The following EPB41L4A variants were observed in gnomAD, a reference collection of about 807,000 sequenced individuals.
The protein encoded by EPB41L4A is band 4.1-like protein 4A.
EPB41L4A carries 100 observed loss-of-function variants against 108.6 expected under a neutral mutation model. The ratio of observed to expected loss-of-function variants is 0.92; its 90% CI spans 0.78 to 1.09. The LOEUF is 1.09. EPB41L4A is among the 50% of genes least tolerant of loss of function. The probability of loss-of-function intolerance (pLI) is 0.00; values close to 1 mark genes in which losing one functional copy is unlikely to be tolerated. For synonymous variants in EPB41L4A, 319 were observed against 289.0 expected (o/e 1.10, Z -1.05); for missense variants, 1,030 against 842.7 (o/e 1.22, Z -2.75).
At chr5:112,201,149 G>A (rs1017912162) in intron 15 of EPB41L4A, among the ~76,000 whole-genome samples, 3 of 152,188 alleles carry the variant, frequency 2.0e-5, no homozygotes, top group African/African-American at 7.2e-5. Context: ...AAGAAACAGA[G>A]AAGAATGTGC....
At chr5:112,245,037 A>T (rs1325356867) in intron 9 of EPB41L4A, among the ~76,000 whole-genome samples, 2 of 152,056 alleles carry the variant, frequency 1.3e-5, no homozygotes, top group Non-Finnish European at 2.9e-5. Flanking sequence ...CAACAGATTG[A>T]CAGGGTTGCC....
chr5:112,237,679 A>G (rs551235979), intron 11 of EPB41L4A, among the ~76,000 whole-genome samples: 47 of 152,210 alleles, frequency 3.1e-4, no homozygotes, highest in Admixed American at 9.8e-4. Flanking sequence ...AGAAAGGGGC[A>G]GGCATATTGT....
chr5:112,195,786 A>G, intron 15 of EPB41L4A, 78 bp from the exon 16 acceptor site: 3 of 1,217,992 alleles, frequency 2.5e-6, no homozygotes, highest in African/African-American at 1.5e-5. Flanking sequence ...AATGAGTTTC[A>G]CTTCAGTTAA....
chr5:112,397,175 G>A lies in EPB41L4A; in HGVS notation c.99+21766C>T, dbSNP rs948602583. On this transcript the variant is annotated intron_variant, in intron 1 of 22. Coordinates refer to ENST00000261486, the MANE Select transcript of EPB41L4A (RefSeq NM_022140.5). ...CATTGTTTAGCTCCCACTTATAAGT[G>A]AGAAAATGAAGTATTTGGTTTTCTG... Among the ~76,000 whole-genome samples, 9 of 152,234 alleles carry A rather than the reference G, an allele frequency of 5.9e-5. No individual in the cohort carries two copies. In the East Asian group the frequency reaches 9.7e-4, roughly 16 times the overall value.
intron 1 of EPB41L4A, among the ~76,000 whole-genome samples, chr5:112,361,430 C>T (rs1758753180): frequency 1.3e-5 from 2 of 151,782 alleles, no homozygotes; most frequent in African/African-American, 2.4e-5. Context: ...CCTTTGTTCA[C>T]ATGTTTATCT....
chr5:112,371,553 T>C (rs537025189), intron 1 of EPB41L4A, among the ~76,000 whole-genome samples: 1 of 152,164 alleles, frequency 6.6e-6, no homozygotes, highest in Non-Finnish European at 1.5e-5. Context: ...GACATCATTA[T>C]TGTAACTGCA....
rs1580658828 is a variant in EPB41L4A at position 112,310,154 on chromosome 5, T to C, written c.100-2664A>G. 2.6e-5 allele frequency among the ~76,000 whole-genome samples: 4 copies of C among 152,222 alleles called. No homozygotes were observed. In the East Asian group the frequency reaches 7.7e-4, roughly 29 times the overall value. Reference sequence around the variant, plus strand: ...TTAAACCACTGTGCTAGTGATAATTTGTTATGCAACAATAAAAAATAATAC... The same window carrying C: ...TTAAACCACTGTGCTAGTGATAATTCGTTATGCAACAATAAAAAATAATAC... On this transcript the variant is annotated intron_variant, in intron 1 of 22. Coordinates refer to ENST00000261486, the MANE Select transcript of EPB41L4A (RefSeq NM_022140.5).
At chr5:112,419,727 A>G (rs1275938081), upstream of EPB41L4A, 25 of 456,578 alleles carry the variant, frequency 5.5e-5, no homozygotes, top group Non-Finnish European at 1.1e-4. Context: ...GAGGAGCCGG[A>G]AGAGAGGCGG....
At chr5:112,209,265 C>T (rs986636918) in intron 13 of EPB41L4A, among the ~76,000 whole-genome samples, 8 of 152,148 alleles carry the variant, frequency 5.3e-5, no homozygotes, top group African/African-American at 1.9e-4. Context: ...AATGCTGTTC[C>T]GTGAACATAA....
chr5:112,268,237 G>C (rs1752004231), intron 4 of EPB41L4A, among the ~76,000 whole-genome samples: 1 of 152,150 alleles, frequency 6.6e-6, no homozygotes, highest in African/African-American at 2.4e-5. Flanking sequence ...CAAAAGTTAG[G>C]AGTGGTGGCG....
intron 1 of EPB41L4A, among the ~76,000 whole-genome samples, chr5:112,374,313 G>A (rs1212081398): frequency 6.6e-6 from 1 of 152,138 alleles, no homozygotes; most frequent in Non-Finnish European, 1.5e-5. Context: ...TTCTAAGAAT[G>A]AACAGAAGTT....
At chr5:112,250,687 T>A (rs544546482) in intron 9 of EPB41L4A, 1 of 152,280 alleles carries the variant, frequency 6.6e-6, no homozygotes, top group South Asian at 2.1e-4. Flanking sequence ...AACACACCAG[T>A]AAGTGAAGCA....
rs539797882 is a variant in EPB41L4A at position 112,412,485 on chromosome 5, T to C, written c.99+6456A>G. 4.9e-4 allele frequency among the ~76,000 whole-genome samples: 75 copies of C among 152,336 alleles called. 2 individuals are homozygous for C. In the South Asian group the frequency reaches 0.015, roughly 31 times the overall value. ...ATGCATGGCTCAGAGGACACAGGAA[T>C]GCAATCACATTTTTTACAATGGTAT... is the stretch of plus-strand genomic sequence containing the variant. On this transcript the variant is annotated intron_variant, in intron 1 of 22. Transcript: ENST00000261486.
At position 112,326,990 on chromosome 5, in the gene EPB41L4A, C is replaced by G. The variant is rs578022599; in HGVS notation, c.100-19500G>C. 2.6e-5 allele frequency among the ~76,000 whole-genome samples: 4 copies of G among 152,324 alleles called. No individual in the cohort carries two copies. The East Asian group carries it at 5.8e-4, about 22-fold the overall frequency. On this transcript the variant is annotated intron_variant, in intron 1 of 22. Transcript: ENST00000261486. ...ACTTCAATTAACCCTCACGACTATACTAGAGACCTTTAATACTGAGGTACT... is the reference window on the plus strand; with the variant it reads ...ACTTCAATTAACCCTCACGACTATAGTAGAGACCTTTAATACTGAGGTACT...
intron 7 of EPB41L4A, 50 bp from the exon 8 acceptor site, chr5:112,260,029 T>C (rs766034617): frequency 6.2e-6 from 8 of 1,293,182 alleles, no homozygotes; most frequent in African/African-American, 4.4e-5. Flanking sequence ...TAAAATCTCT[T>C]TGTCAAACTA....
intron 12 of EPB41L4A, among the ~76,000 whole-genome samples, chr5:112,221,207 C>T (rs1580461086): frequency 6.6e-6 from 1 of 152,294 alleles, no homozygotes; most frequent in African/African-American, 2.4e-5. Flanking sequence ...TCCATTAAAA[C>T]CCCCTTCTTT....
intron 12 of EPB41L4A, among the ~76,000 whole-genome samples, chr5:112,146,867 A>C (rs942731184): frequency 6.6e-6 from 1 of 152,250 alleles, no homozygotes; most frequent in East Asian, 1.9e-4. Context: ...ATTGGAATGC[A>C]TAAGATGTAA....
intron 1 of EPB41L4A, among the ~76,000 whole-genome samples, chr5:112,330,600 C>T (rs1019278379): frequency 6.6e-6 from 1 of 151,902 alleles, no homozygotes; most frequent in Non-Finnish European, 1.5e-5. Flanking sequence ...GATGAGAAAA[C>T]TGAGGAATGG....
At chr5:112,292,637 T>C (rs775772928) in intron 2 of EPB41L4A, among the ~76,000 whole-genome samples, 1 of 152,156 alleles carries the variant, frequency 6.6e-6, no homozygotes, top group Non-Finnish European at 1.5e-5. Context: ...TTTTATAAAA[T>C]ATAAGTAGAA....
Sources: gnomAD v4.1 joint callset for allele counts (sites outside exome capture counted in the v4.1 genomes callset) on GRCh38, gnomAD v4.1.1 for gene constraint, MANE v1.5 for transcripts, NCBI Gene and HGNC (gene_info 2026-07-23, HGNC 2026-07-21) for gene names.